CCDC18: variants seen among roughly 807,000 people sequenced by gnomAD.
The protein encoded by CCDC18 is coiled-coil domain containing 18.
Under a neutral mutation model 196.0 loss-of-function variants are expected in CCDC18, and 157 were observed. The observed-to-expected ratio is 0.80, with a 90% CI of 0.70 to 0.91. The LOEUF (loss-of-function observed/expected upper bound fraction) is 0.91, where lower values mean the gene tolerates loss of function less well. CCDC18 is among the 40% of genes least tolerant of loss of function. CCDC18 has a pLI of 0.00. For missense variants in CCDC18, 1,465 were observed against 1,611.6 expected, an observed-to-expected ratio of 0.91 and a Z score of 1.56; for synonymous variants, 482 against 529.2, an observed-to-expected ratio of 0.91 and a Z score of 1.22.
intron 7 of CCDC18, among the ~76,000 whole-genome samples, chr1:93,203,364 A>C (rs1350769881): frequency 6.6e-6 from 1 of 152,196 alleles, no homozygotes; most frequent in East Asian, 1.9e-4. Context: ...AGTTATAGGT[A>C]GGCTTTTGTA....
intron 6 of CCDC18, among the ~76,000 whole-genome samples, chr1:93,194,932 G>A (rs933743651): frequency 6.6e-6 from 1 of 152,154 alleles, no homozygotes; most frequent in East Asian, 1.9e-4. Flanking sequence ...GTGCAGTGGT[G>A]TGATCTTGGC....
chr1:93,241,011 G>A (rs1660703936), intron 21 of CCDC18, among the ~76,000 whole-genome samples: 1 of 151,972 alleles, frequency 6.6e-6, no homozygotes, highest in Admixed American at 6.6e-5. Flanking sequence ...AGGTTGGAGT[G>A]CAGTGGCATG....
rs1213469826 is a variant in CCDC18, at chr1:93,236,339, A to T, written c.2552A>T (p.His851Leu). 3 of 1,583,676 alleles carry T rather than the reference A, an allele frequency of 1.9e-6. No homozygotes were observed. The highest frequency in any genetic ancestry group is 2.8e-5 in the African/African-American group (2 of 72,414). ...KMEEKCESAA[H>L]EADLKRQKVI... ...GAGGAGAAATGTGAATCAGCTGCAC[A>T]TGAAGCAGATTTGAAAAGGCAAAAA... The change falls in exon 19 of 29, where the codon CAT becomes CTT. Residue 851 changes from histidine (H) to leucine (L), a missense_variant. By Grantham distance (99) the His-to-Leu change is moderately conservative (BLOSUM62 -3). Coordinates refer to ENST00000690025, the MANE Select transcript of CCDC18 (RefSeq NM_001378204.1).
chr1:93,198,575 GTACTT>G (rs1653193430), intron 6 of CCDC18, among the ~76,000 whole-genome samples: 1 of 152,164 alleles, frequency 6.6e-6, no homozygotes, highest in Non-Finnish European at 1.5e-5. Flanking sequence ...TAGGATTTCT[GTACTT>G]TACTCAATAA....
chr1:93,239,081 G>A (rs754493729), intron 19 of CCDC18, among the ~76,000 whole-genome samples: 6 of 152,088 alleles, frequency 3.9e-5, no homozygotes, highest in Non-Finnish European at 7.4e-5. Context: ...AGAATGCTAG[G>A]CTTGTTAAAT....
chr1:93,185,560 TG>T (rs1650509049), intron 3 of CCDC18, among the ~76,000 whole-genome samples: 1 of 151,642 alleles, frequency 6.6e-6, no homozygotes, highest in Non-Finnish European at 1.5e-5. Context: ...AGATTGCCAG[TG>T]TATATTGTTC....
chr1:93,255,458 C>T (rs558820802), intron 24 of CCDC18, among the ~76,000 whole-genome samples: 33 of 152,146 alleles, frequency 2.2e-4, no homozygotes, highest in South Asian at 8.3e-4. Context: ...GGGTCAGGCA[C>T]GATGACTCAC....
intron 14 of CCDC18, 104 bp downstream of exon 14, chr1:93,217,973 T>G: frequency 1.0e-6 from 1 of 956,968 alleles, no homozygotes; most frequent in Non-Finnish European, 1.6e-6. Context: ...TACACAAAAG[T>G]TAGTGGCAAG....
chr1:93,217,654 G>GTCT, intron 13 of CCDC18, 84 bp from the exon 14 acceptor site: 1 of 1,188,468 alleles, frequency 8.4e-7, no homozygotes, highest in Non-Finnish European at 1.2e-6. Flanking sequence ...TCCCAGGCTA[G>GTCT]TCTTGAACTC....
intron 23 of CCDC18, among the ~76,000 whole-genome samples, chr1:93,247,982 A>AATG (rs1343135676): frequency 6.6e-6 from 1 of 150,732 alleles, no homozygotes; most frequent in Non-Finnish European, 1.5e-5. Context: ...GTTTGTTGTA[A>AATG]ATGATCTTTA....
At chr1:93,260,245 G>A (rs188537542) in intron 26 of CCDC18, among the ~76,000 whole-genome samples, 11 of 152,282 alleles carry the variant, frequency 7.2e-5, no homozygotes, top group Non-Finnish European at 1.5e-5. Context: ...TTAGCTGGGT[G>A]TGGTGGCGCA....
chr1:93,249,223 T>G (rs1661918611), intron 23 of CCDC18, among the ~76,000 whole-genome samples: 1 of 152,162 alleles, frequency 6.6e-6, no homozygotes, highest in Non-Finnish European at 1.5e-5. Context: ...ATTTATCCAT[T>G]TCTTCTAGTT....
chr1:93,227,825 G>T (rs1020361306), intron 17 of CCDC18, among the ~76,000 whole-genome samples: 2 of 151,198 alleles, frequency 1.3e-5, no homozygotes, highest in African/African-American at 4.9e-5. Flanking sequence ...AGGTATGGTG[G>T]TGCATACCCG....
At chr1:93,222,872 T>C (rs1325895322) in intron 16 of CCDC18, among the ~76,000 whole-genome samples, 6 of 152,242 alleles carry the variant, frequency 3.9e-5, no homozygotes, top group Non-Finnish European at 7.3e-5. Flanking sequence ...TATTCTGTCA[T>C]ATGTAGCTTG....
chr1:93,184,799 A>G (rs1041481870), intron 3 of CCDC18, among the ~76,000 whole-genome samples: 17 of 152,084 alleles, frequency 1.1e-4, no homozygotes, highest in African/African-American at 3.9e-4. Context: ...CGGAAAGCCA[A>G]CCATTAAGAG....
chr1:93,220,375 A>G (rs1657214114), intron 14 of CCDC18, among the ~76,000 whole-genome samples: 1 of 152,226 alleles, frequency 6.6e-6, no homozygotes, highest in African/African-American at 2.4e-5. Context: ...GTTCTAAAAG[A>G]GAATGCTAAA....
chr1:93,255,994 G>T (rs915788543), intron 24 of CCDC18, among the ~76,000 whole-genome samples: 1 of 152,106 alleles, frequency 6.6e-6, no homozygotes, highest in African/African-American at 2.4e-5. Context: ...CTTTGACATA[G>T]ATAATCAAAT....
chr1:93,237,754 T>C (rs899237529), intron 19 of CCDC18, among the ~76,000 whole-genome samples: 4 of 152,144 alleles, frequency 2.6e-5, no homozygotes, highest in Non-Finnish European at 4.4e-5. Flanking sequence ...TCTGTCATTC[T>C]TCTTGGGGAT....
chr1:93,223,896 TTTATACACACACACACACACACAC>T lies in CCDC18; in HGVS notation c.2175+1961_2175+1984del, dbSNP rs943844951. Among the ~76,000 whole-genome samples, 7 of 124,056 alleles carry T rather than the reference TTTATACACACACACACACACACAC, an allele frequency of 5.6e-5. No individual in the cohort carries two copies. The South Asian group carries it at 1.8e-3, about 32-fold the overall frequency. 81.4% of individuals were successfully genotyped at this position (124,056 alleles called of 152,430 possible). A position where few individuals can be genotyped will look rare whatever the true frequency, so the allele number is the denominator to read the frequency against. ...TTTGTTTTTGTTTTGATTTCATTTA[TTTATACACACACACACACACACAC>T]ACACACACACACACACACACATTTG... is the stretch of plus-strand genomic sequence containing the variant. On this transcript the variant is annotated intron_variant, in intron 16 of 28. Transcript: ENST00000690025.
Sources: allele counts gnomAD v4.1 joint callset (sites outside exome capture counted in the v4.1 genomes callset), GRCh38; gene constraint gnomAD v4.1.1; transcripts MANE v1.5; gene names NCBI Gene and HGNC (gene_info 2026-07-23, HGNC 2026-07-21).